Variants in PDLIM5 observed in about 807,000 individuals in gnomAD.
PDLIM5 encodes the protein PDZ and LIM domain protein 5.
In PDLIM5, 34 loss-of-function variants were observed where a neutral mutation model predicts 64.2. That is an observed-to-expected ratio of 0.53 (90% CI 0.40 to 0.71). The LOEUF (loss-of-function observed/expected upper bound fraction) is 0.71, where lower values mean the gene tolerates loss of function less well. Among genes scored for constraint, PDLIM5 ranks in the 30% least tolerant of loss-of-function variants. PDLIM5 has a pLI of 0.00. For synonymous variants in PDLIM5, 253 were observed against 269.1 expected, an observed-to-expected ratio of 0.94 and a Z score of 0.59; for missense variants, 683 against 733.6, an observed-to-expected ratio of 0.93 and a Z score of 0.80.
intron 2 of PDLIM5, among the ~76,000 whole-genome samples, chr4:94,463,122 A>T (rs17021596): frequency 6.6e-6 from 1 of 152,172 alleles, no homozygotes; most frequent in Admixed American, 6.5e-5. Flanking sequence ...ATGGCAAAAG[A>T]TTTTGTGTTT....
intron 2 of PDLIM5, among the ~76,000 whole-genome samples, chr4:94,503,227 T>A (rs1210614388): frequency 6.6e-6 from 1 of 152,174 alleles, no homozygotes; most frequent in Non-Finnish European, 1.5e-5. Context: ...CTTTATATAG[T>A]CTACACTTCC....
rs1215721667 is a variant in PDLIM5 at position 94,533,546 on chromosome 4, G to A, written c.248+9671G>A. 5.9e-5 allele frequency among the ~76,000 whole-genome samples: 9 copies of A among 152,160 alleles called. 1 individual carries two copies. The highest frequency in any genetic ancestry group is 5.9e-4 in the Admixed American group (9 of 15,280). ...GGCACCAGCATTGGCTTTGAAATTA[G>A]GCAAACTTGATCCAAATCCTGGTTT... On this transcript the variant is annotated intron_variant, in intron 3 of 12. Coordinates refer to ENST00000317968, the MANE Select transcript of PDLIM5 (RefSeq NM_006457.5).
chr4:94,544,673 G>T (rs1349402449), intron 3 of PDLIM5, among the ~76,000 whole-genome samples: 1 of 152,174 alleles, frequency 6.6e-6, no homozygotes, highest in East Asian at 1.9e-4. Flanking sequence ...ATTTAATTAA[G>T]GATGAATTCA....
At chr4:94,627,590 A>C (rs568215407) in intron 8 of PDLIM5, among the ~76,000 whole-genome samples, 1 of 152,312 alleles carries the variant, frequency 6.6e-6, no homozygotes, top group African/African-American at 2.4e-5. Context: ...TTGTGAATGA[A>C]GTTTTGTTGG....
chr4:94,611,173 C>A (rs1482329638), intron 7 of PDLIM5: 5 of 1,535,300 alleles, frequency 3.3e-6, no homozygotes, highest in Non-Finnish European at 3.5e-6. Context: ...AGGAAATCAA[C>A]TGGCTCTATC....
intron 7 of PDLIM5, among the ~76,000 whole-genome samples, chr4:94,603,724 C>T (rs190676140): frequency 3.3e-5 from 5 of 152,258 alleles, no homozygotes; most frequent in Admixed American, 3.3e-4. Flanking sequence ...GACTTTTTTC[C>T]TTGGTATATT....
At chr4:94,502,929 G>T (rs906053704) in intron 2 of PDLIM5, among the ~76,000 whole-genome samples, 1 of 152,122 alleles carries the variant, frequency 6.6e-6, no homozygotes, top group Middle Eastern at 3.4e-3. Flanking sequence ...TATCCAGGAA[G>T]CATATTGAAA....
chr4:94,642,663 G>A (rs77285346), intron 9 of PDLIM5, among the ~76,000 whole-genome samples: 3,596 of 152,306 alleles, frequency 0.024, 56 homozygotes, highest in Non-Finnish European at 0.036. Flanking sequence ...AATTAACATA[G>A]CACATTTGCC....
intron 2 of PDLIM5, among the ~76,000 whole-genome samples, chr4:94,492,351 T>A (rs563900265): frequency 1.3e-5 from 2 of 152,174 alleles, no homozygotes; most frequent in African/African-American, 4.8e-5. Flanking sequence ...TTTATTAGGA[T>A]CTTCCACATG....
chr4:94,663,066 T>C (rs1376634517), intron 12 of PDLIM5, among the ~76,000 whole-genome samples: 1 of 152,208 alleles, frequency 6.6e-6, no homozygotes, highest in Non-Finnish European at 1.5e-5. Flanking sequence ...ATATTTTTGG[T>C]TTTATGTTTA....
At chr4:94,650,072 A>G (rs1331603473) in intron 9 of PDLIM5, among the ~76,000 whole-genome samples, 3 of 151,860 alleles carry the variant, frequency 2.0e-5, no homozygotes, top group Non-Finnish European at 4.4e-5. Context: ...TTTGCATATA[A>G]TCCACTGGAA....
At chr4:94,563,692 G>C (rs570299417) in intron 3 of PDLIM5, among the ~76,000 whole-genome samples, 1 of 152,160 alleles carries the variant, frequency 6.6e-6, no homozygotes, top group African/African-American at 2.4e-5. Context: ...ATAGGACAGG[G>C]TGCATATAAA....
intron 3 of PDLIM5, among the ~76,000 whole-genome samples, chr4:94,529,473 T>A (rs73833930): frequency 0.025 from 3,859 of 152,304 alleles, 153 homozygotes; most frequent in African/African-American, 0.087. Context: ...TAAGAAAATA[T>A]ACGTGTATAT....
At chr4:94,484,547 T>C (rs979487364) in intron 2 of PDLIM5, among the ~76,000 whole-genome samples, 1 of 152,226 alleles carries the variant, frequency 6.6e-6, no homozygotes, top group Non-Finnish European at 1.5e-5. Flanking sequence ...TGCATTCTTA[T>C]TTGTATCTCA....
In PDLIM5 at chr4:94,628,124, C is replaced by T. The variant is rs544019751; in HGVS notation, c.1108+9933C>T. Among the ~76,000 whole-genome samples the T allele has an allele frequency of 2.6e-5, 4 of 152,222 alleles. No homozygotes were observed. The South Asian group carries it at 6.2e-4, about 24-fold the overall frequency. On this transcript the variant is annotated intron_variant, in intron 8 of 12. Transcript: ENST00000317968. ...AAACACTTTTACTACTTCATTGAAT[C>T]CTCTCACCCTTTGAGGTAGTTATTA...
chr4:94,525,247 A>T (rs186726045), intron 3 of PDLIM5, among the ~76,000 whole-genome samples: 1 of 152,146 alleles, frequency 6.6e-6, no homozygotes, highest in East Asian at 1.9e-4. Context: ...GGTGAAACCC[A>T]GTCTCTACTA....
chr4:94,599,617 A>G (rs1031331059), intron 7 of PDLIM5, among the ~76,000 whole-genome samples: 12 of 152,306 alleles, frequency 7.9e-5, no homozygotes, highest in African/African-American at 2.6e-4. Context: ...AAGTGAAGAA[A>G]TCAAACAATT....
intron 3 of PDLIM5, among the ~76,000 whole-genome samples, chr4:94,552,485 GAT>G (rs1732895558): frequency 6.6e-6 from 1 of 152,002 alleles, no homozygotes; most frequent in South Asian, 2.1e-4. Flanking sequence ...AAAAGAAATA[GAT>G]TAAATTCCAA....
At chr4:94,658,179 G>T (rs1742369114) in intron 11 of PDLIM5, among the ~76,000 whole-genome samples, 1 of 152,178 alleles carries the variant, frequency 6.6e-6, no homozygotes, top group Non-Finnish European at 1.5e-5. Flanking sequence ...AGTGAATTTT[G>T]TAAACATCAG....
Sources: allele counts gnomAD v4.1 joint callset (sites outside exome capture counted in the v4.1 genomes callset), GRCh38; gene constraint gnomAD v4.1.1; transcripts MANE v1.5; gene names NCBI Gene and HGNC (gene_info 2026-07-23, HGNC 2026-07-21).